The following KLF12 variants were observed in gnomAD, a reference collection of about 807,000 sequenced individuals.
The protein encoded by KLF12 is KLF transcription factor 12, also known as Krueppel-like factor 12.
Under a neutral mutation model 37.8 loss-of-function variants are expected in KLF12, and 9 were observed. The ratio of observed to expected loss-of-function variants is 0.24; its 90% CI spans 0.14 to 0.42. The LOEUF (loss-of-function observed/expected upper bound fraction) is 0.42, where lower values mean the gene tolerates loss of function less well. Ranked by LOEUF, KLF12 falls within the 10% of genes least tolerant of loss-of-function variation. The pLI, the probability that KLF12 is intolerant of heterozygous loss-of-function variation, is 1.00. For missense variants in KLF12, 411 were observed against 516.0 expected, an observed-to-expected ratio of 0.80 and a Z score of 1.97; for synonymous variants, 208 against 202.1, an observed-to-expected ratio of 1.03 and a Z score of -0.25.
the KLF12 span, among the ~76,000 whole-genome samples, chr13:74,155,198 A>G: frequency 3.3e-5 from 5 of 152,174 alleles, no homozygotes; most frequent in Non-Finnish European, 5.9e-5. Flanking sequence ...CTTTGCATGA[A>G]TGTTCCTTAG....
At chr13:73,973,720 G>C (rs554742380) in intron 2 of KLF12, among the ~76,000 whole-genome samples, 2 of 151,974 alleles carry the variant, frequency 1.3e-5, no homozygotes, top group East Asian at 1.9e-4. Context: ...AGGACAAAAA[G>C]GAAGTAAAGA....
intron 3 of KLF12, among the ~76,000 whole-genome samples, chr13:73,850,230 C>T (rs1298454525): frequency 6.6e-6 from 1 of 152,132 alleles, no homozygotes; most frequent in Non-Finnish European, 1.5e-5. Flanking sequence ...CATTAACCCA[C>T]TTGATAAAAT....
the KLF12 span, among the ~76,000 whole-genome samples, chr13:74,166,774 A>G: frequency 6.6e-6 from 1 of 152,196 alleles, no homozygotes; most frequent in Non-Finnish European, 1.5e-5. Context: ...TGATGCTTAC[A>G]GTAGTTCATT....
intron 1 of KLF12, among the ~76,000 whole-genome samples, chr13:74,007,345 G>A (rs1003959625): frequency 6.6e-6 from 1 of 151,356 alleles, no homozygotes; most frequent in African/African-American, 2.4e-5. Flanking sequence ...GCGCGATCTC[G>A]GCTCACTGCA....
chr13:73,891,730 A>T (rs1887516245), intron 3 of KLF12, among the ~76,000 whole-genome samples: 1 of 152,136 alleles, frequency 6.6e-6, no homozygotes, highest in Non-Finnish European at 1.5e-5. Context: ...CTAAAGATAC[A>T]GTTGGTGCTG....
At chr13:74,226,980 T>G in the KLF12 span, among the ~76,000 whole-genome samples, 1 of 152,128 alleles carries the variant, frequency 6.6e-6, no homozygotes, top group African/African-American at 2.4e-5. Flanking sequence ...CACTCCAAGG[T>G]TTTCTGCATA....
At chr13:74,049,780 G>C (rs1021000374) in intron 1 of KLF12, among the ~76,000 whole-genome samples, 4 of 152,092 alleles carry the variant, frequency 2.6e-5, no homozygotes, top group African/African-American at 9.7e-5. Flanking sequence ...CAACCAAATA[G>C]GGGATCCCTT....
chr13:74,213,004 A>G, the KLF12 span, among the ~76,000 whole-genome samples: 8 of 152,176 alleles, frequency 5.3e-5, no homozygotes, highest in African/African-American at 1.9e-4. Context: ...AAAGTATAAT[A>G]TATAATAATC....
intron 3 of KLF12, among the ~76,000 whole-genome samples, chr13:73,915,855 G>C (rs1321811016): frequency 1.3e-5 from 2 of 151,708 alleles, no homozygotes; most frequent in Admixed American, 6.6e-5. Flanking sequence ...TTGAATTTAG[G>C]ATTGACTTTC....
chr13:74,198,246 G>C, the KLF12 span, among the ~76,000 whole-genome samples: 1 of 152,138 alleles, frequency 6.6e-6, no homozygotes, highest in African/African-American at 2.4e-5. Flanking sequence ...TACTCCTGAG[G>C]CTAAAACCCT....
intron 1 of KLF12, among the ~76,000 whole-genome samples, chr13:73,995,983 T>C (rs1179524570): frequency 1.3e-5 from 2 of 152,188 alleles, no homozygotes; most frequent in African/African-American, 4.8e-5. Flanking sequence ...TCTGTGCCAA[T>C]GTCTATGGGC....
intron 4 of KLF12, among the ~76,000 whole-genome samples, chr13:73,825,100 C>T (rs1406315629): frequency 6.6e-6 from 1 of 151,974 alleles, no homozygotes; most frequent in East Asian, 1.9e-4. Flanking sequence ...TATGCATTCT[C>T]TGTGTTTTGG....
At chr13:73,934,610 T>C (rs546979252) in intron 3 of KLF12, among the ~76,000 whole-genome samples, 1 of 152,182 alleles carries the variant, frequency 6.6e-6, no homozygotes, top group Admixed American at 6.5e-5. Context: ...TTCCTTCATG[T>C]GTAAGGTGTA....
intron 1 of KLF12, among the ~76,000 whole-genome samples, chr13:74,125,996 T>C (rs1877920053): frequency 6.6e-6 from 1 of 152,208 alleles, no homozygotes; most frequent in Non-Finnish European, 1.5e-5. Flanking sequence ...ATTACTTTAC[T>C]TTGCTGAAAA....
At chr13:74,224,722 T>A in the KLF12 span, among the ~76,000 whole-genome samples, 67 of 152,258 alleles carry the variant, frequency 4.4e-4, no homozygotes, top group African/African-American at 1.5e-3. Flanking sequence ...TCAAACTGTC[T>A]TATAACCAGT....
chr13:74,009,859 G>A (rs1892505549), intron 1 of KLF12, among the ~76,000 whole-genome samples: 1 of 152,206 alleles, frequency 6.6e-6, no homozygotes, highest in Non-Finnish European at 1.5e-5. Context: ...CATTTGGGAA[G>A]CATTTCTCCA....
In KLF12 at chr13:73,925,949, C is replaced by T. The variant is rs569766567; in HGVS notation, c.123+18032G>A. Among the ~76,000 whole-genome samples, 4 of 152,322 alleles carry T rather than the reference C, an allele frequency of 2.6e-5. No homozygotes were observed. The South Asian group carries it at 8.3e-4, about 32-fold the overall frequency. ...GCTTGAAGACATGATGGAATTGCTT[C>T]AATCTCAGATAAAATTTTCACAGAT... On this transcript the variant is annotated intron_variant, in intron 3 of 7. Coordinates refer to ENST00000377669, the MANE Select transcript of KLF12 (RefSeq NM_007249.5).
At chr13:73,713,192 G>A (rs975606051) in intron 7 of KLF12, among the ~76,000 whole-genome samples, 1 of 152,212 alleles carries the variant, frequency 6.6e-6, no homozygotes, top group Non-Finnish European at 1.5e-5. Context: ...ACCGGGGCCA[G>A]TGAGTGAAAA....
the KLF12 span, among the ~76,000 whole-genome samples, chr13:74,301,959 A>G: frequency 2.0e-5 from 3 of 152,138 alleles, no homozygotes; most frequent in Non-Finnish European, 2.9e-5. Flanking sequence ...GGAGAATAAT[A>G]CCACAATAAA....
Sources: gnomAD v4.1 joint callset for allele counts (sites outside exome capture counted in the v4.1 genomes callset) on GRCh38, gnomAD v4.1.1 for gene constraint, MANE v1.5 for transcripts, NCBI Gene and HGNC (gene_info 2026-07-23, HGNC 2026-07-21) for gene names.